Variants in AGBL1 observed in about 807,000 individuals in gnomAD.
AGBL1 encodes AGBL carboxypeptidase 1, also known as cytosolic carboxypeptidase 4.
In AGBL1, 130 loss-of-function variants were observed where a neutral mutation model predicts 118.9. That is an observed-to-expected ratio of 1.09 (90% CI 0.95 to 1.26). The LOEUF (loss-of-function observed/expected upper bound fraction) is 1.26, where lower values mean the gene tolerates loss of function less well. Ranked by LOEUF, AGBL1 falls within the 50% of genes most tolerant of loss-of-function variation. The pLI, the probability that AGBL1 is intolerant of heterozygous loss-of-function variation, is 0.00. For missense variants in AGBL1, 1,584 were observed against 1,298.1 expected (o/e 1.22, Z -3.38); for synonymous variants, 555 against 478.9 (o/e 1.16, Z -2.08).
At chr15:86,387,680 A>G (rs112354426) in intron 17 of AGBL1, among the ~76,000 whole-genome samples, 3,083 of 152,326 alleles carry the variant, frequency 0.02, 43 homozygotes, top group Middle Eastern at 0.065. Flanking sequence ...TTATCCTTCA[A>G]TCAGTTTCCA....
At chr15:86,299,645 C>G (rs1744705286) in intron 17 of AGBL1, 1 of 152,108 alleles carries the variant, frequency 6.6e-6, no homozygotes, top group Non-Finnish European at 1.5e-5. Flanking sequence ...AGCCTAGTCT[C>G]CATTGGTTAA....
At chr15:86,300,177 A>G (rs188473028) in intron 17 of AGBL1, among the ~76,000 whole-genome samples, 1 of 152,260 alleles carries the variant, frequency 6.6e-6, no homozygotes, top group Non-Finnish European at 1.5e-5. Context: ...AAATGCACAC[A>G]ACCAGAACAC....
At chr15:86,681,516 G>A (rs1431778851) in intron 22 of AGBL1, among the ~76,000 whole-genome samples, 1 of 152,056 alleles carries the variant, frequency 6.6e-6, no homozygotes. Flanking sequence ...GAAAGGCATT[G>A]GCCTCCTTGT....
At chr15:86,163,881 C>T (rs1156978341) in intron 5 of AGBL1, among the ~76,000 whole-genome samples, 1 of 152,116 alleles carries the variant, frequency 6.6e-6, no homozygotes, top group Non-Finnish European at 1.5e-5. Context: ...CCTTTTTTCC[C>T]CCTGATACCA....
chr15:87,024,471 T>C (rs1409858324), intron 24 of AGBL1, among the ~76,000 whole-genome samples: 2 of 151,812 alleles, frequency 1.3e-5, no homozygotes, highest in Non-Finnish European at 2.9e-5. Flanking sequence ...AGCAGCAAGA[T>C]TGAAATGGTA....
At chr15:86,440,794 C>T (rs2082054899) in intron 18 of AGBL1, among the ~76,000 whole-genome samples, 1 of 152,126 alleles carries the variant, frequency 6.6e-6, no homozygotes, top group African/African-American at 2.4e-5. Context: ...CATCAAACTC[C>T]AGAACATTCT....
chr15:86,462,892 G>A (rs1265891444), intron 18 of AGBL1, among the ~76,000 whole-genome samples: 1 of 152,150 alleles, frequency 6.6e-6, no homozygotes, highest in Non-Finnish European at 1.5e-5. Context: ...GAATAGTGCT[G>A]CAATAAACAT....
chr15:86,377,399 G>A, intron 17 of AGBL1, among the ~76,000 whole-genome samples: 1 of 152,166 alleles, frequency 6.6e-6, no homozygotes, highest in Non-Finnish European at 1.5e-5. Flanking sequence ...GAGGGAGCTG[G>A]CTGTTGAAGA....
chr15:86,889,499 T>G (rs1423644740), intron 22 of AGBL1, among the ~76,000 whole-genome samples: 3 of 152,098 alleles, frequency 2.0e-5, no homozygotes, highest in Non-Finnish European at 4.4e-5. Context: ...ACCTAGGTAT[T>G]AAGCCCAACA....
At chr15:86,705,406 T>C (rs1596387506) in intron 22 of AGBL1, among the ~76,000 whole-genome samples, 1 of 152,192 alleles carries the variant, frequency 6.6e-6, no homozygotes, top group African/African-American at 2.4e-5. Context: ...GAATTTGTGT[T>C]TCCTCACTTG....
chr15:86,147,289 C>A (rs892442135), intron 3 of AGBL1, among the ~76,000 whole-genome samples: 1 of 152,148 alleles, frequency 6.6e-6, no homozygotes, highest in African/African-American at 2.4e-5. Context: ...CCATGGAGGG[C>A]AAGCTGAAGC....
chr15:87,015,393 C>G (rs1440347591), intron 24 of AGBL1, among the ~76,000 whole-genome samples: 8 of 152,098 alleles, frequency 5.3e-5, no homozygotes, highest in Non-Finnish European at 1.2e-4. Flanking sequence ...GTCTGTCTAT[C>G]TATCTACCTA....
chr15:86,718,370 A>T (rs1250001119), intron 22 of AGBL1, among the ~76,000 whole-genome samples: 2 of 152,154 alleles, frequency 1.3e-5, no homozygotes, highest in Non-Finnish European at 2.9e-5. Flanking sequence ...GGGGAACATC[A>T]CACACTGGGG....
chr15:86,135,242 A>C (rs900845831), intron 1 of AGBL1, among the ~76,000 whole-genome samples: 1 of 152,338 alleles, frequency 6.6e-6, no homozygotes, highest in African/African-American at 2.4e-5. Flanking sequence ...TGATCTGCAC[A>C]TGCAGGCTCC....
intron 23 of AGBL1, among the ~76,000 whole-genome samples, chr15:86,942,839 T>G (rs2080771215): frequency 6.6e-6 from 1 of 152,208 alleles, no homozygotes; most frequent in Admixed American, 6.5e-5. Context: ...GTTCTTGTCT[T>G]TCTTGTAATA....
intron 18 of AGBL1, among the ~76,000 whole-genome samples, chr15:86,509,366 C>G (rs541117766): frequency 1.8e-4 from 27 of 152,148 alleles, no homozygotes; most frequent in African/African-American, 6.5e-4. Context: ...ACATAGTGGC[C>G]TGGGAACAAT....
chr15:86,557,168 C>T (rs888559003), intron 21 of AGBL1, among the ~76,000 whole-genome samples: 1 of 152,078 alleles, frequency 6.6e-6, no homozygotes, highest in Non-Finnish European at 1.5e-5. Context: ...TGTGGAAATC[C>T]CACCCACTGA....
At chr15:86,414,053 T>C (rs1043920603) in intron 18 of AGBL1, among the ~76,000 whole-genome samples, 28 of 152,176 alleles carry the variant, frequency 1.8e-4, no homozygotes, top group African/African-American at 6.8e-4. Context: ...GCCATTATCT[T>C]AAGTGAAAAA....
In AGBL1 at chr15:86,969,596, C is replaced by T. The variant is rs541967323; in HGVS notation, c.3222-18391C>T. On this transcript the variant is annotated intron_variant, in intron 23 of 24. Coordinates refer to the AGBL1 transcript ENST00000441037. ...GCATATGCATTTGTGTGACTATTTG[C>T]GTGGGAATGTGTATGTGGGCATATG... Among the ~76,000 whole-genome samples, 73 of 151,964 alleles carry T rather than the reference C, an allele frequency of 4.8e-4. 1 individual carries two copies. The South Asian group carries it at 6.6e-3, about 14-fold the overall frequency.
Sources: allele counts gnomAD v4.1 joint callset (sites outside exome capture counted in the v4.1 genomes callset), GRCh38; gene constraint gnomAD v4.1.1; transcripts MANE v1.5; gene names NCBI Gene and HGNC (gene_info 2026-07-23, HGNC 2026-07-21).